The following ZSCAN5C variants were observed in gnomAD, a reference collection of about 807,000 sequenced individuals.
ZSCAN5C encodes zinc finger and SCAN domain-containing protein 5C.
A neutral mutation model predicts 17.3 loss-of-function variants in ZSCAN5C; 11 were observed. The observed-to-expected ratio is 0.64, with a 90% CI of 0.40 to 1.06. ZSCAN5C has a LOEUF of 1.06. Among genes scored for constraint, ZSCAN5C ranks in the 50% least tolerant of loss-of-function variants. The pLI, the probability that ZSCAN5C is intolerant of heterozygous loss-of-function variation, is 0.00. For synonymous variants in ZSCAN5C, 229 were observed against 208.4 expected (o/e 1.10, Z -0.85); for missense variants, 698 against 538.9 (o/e 1.30, Z -2.92).
At position 56,204,902 on chromosome 19, in the gene ZSCAN5C, T is replaced by C. The variant is rs549659898; in HGVS notation, c.-127-885T>C. Among the ~76,000 whole-genome samples, 567 of 151,284 alleles carry C rather than the reference T, an allele frequency of 3.7e-3. 3 individuals carry two copies. The highest frequency in any genetic ancestry group is 6.7e-3 in the Admixed American group (102 of 15,216). On this transcript the variant is annotated intron_variant, in intron 1 of 4. Transcript: ENST00000534327. ...CCTGGAGAGTATTACTCAGTGGCTC[T>C]TGCCTAATGAAGCTAGGTTTAGGAA...
At chr19:56,205,943 T>A (rs780116664) in exon 2 of ZSCAN5C, 5 of 1,307,668 alleles carry the variant, frequency 3.8e-6, no homozygotes, top group African/African-American at 1.5e-5. Context: ...CCTCATGGAG[T>A]CTAGGAGAAT....
exon 5 of ZSCAN5C, chr19:56,208,948 G>T (rs756658596): frequency 2.5e-6 from 4 of 1,613,472 alleles, no homozygotes; most frequent in Non-Finnish European, 2.5e-6. Flanking sequence ...GGCCCTACAC[G>T]TGTGACATCT....
In ZSCAN5C at chr19:56,207,025, A is replaced by T. The variant is rs1014599995; in HGVS notation, c.385-34A>T. 4.3e-6 allele frequency: 3 copies of T among 695,370 alleles called. No homozygotes were observed. In the East Asian group the frequency reaches 8.1e-5, roughly 19 times the overall value. The allele number at this position is 695,370 out of a possible 1,614,324, so 43.1% of individuals were successfully genotyped here. On this transcript the variant is annotated intron_variant, in intron 2 of 4. Coordinates refer to ENST00000534327, the Ensembl canonical transcript of ZSCAN5C. Reference sequence around the variant, plus strand: ...ATATGAGAGCTACTTTCAGGTTCTCATAGTTAGTCTGATTGCTTTTTTTCT... The same window carrying T: ...ATATGAGAGCTACTTTCAGGTTCTCTTAGTTAGTCTGATTGCTTTTTTTCT...
chr19:56,204,638 C>T (rs1400801820), intron 1 of ZSCAN5C, among the ~76,000 whole-genome samples: 1 of 151,834 alleles, frequency 6.6e-6, no homozygotes, highest in African/African-American at 2.4e-5. Flanking sequence ...ATTGTCTCCT[C>T]CTCTGGGTTG....
exon 5 of ZSCAN5C, chr19:56,209,124 A>C: frequency 6.5e-7 from 1 of 1,545,494 alleles, no homozygotes; most frequent in Admixed American, 1.7e-5. Flanking sequence ...AAATGTTCCA[A>C]GTGTCCAAGA....
chr19:56,202,837 G>C (rs1437260408), intron 1 of ZSCAN5C, among the ~76,000 whole-genome samples: 1 of 151,962 alleles, frequency 6.6e-6, no homozygotes, highest in African/African-American at 2.4e-5. Context: ...TTACAGGTGT[G>C]AGCCACCTTG....
chr19:56,204,125 A>G (rs1236255534), intron 1 of ZSCAN5C, among the ~76,000 whole-genome samples: 1 of 151,764 alleles, frequency 6.6e-6, no homozygotes, highest in Non-Finnish European at 1.5e-5. Context: ...CCAGGATGTG[A>G]GGATAGCAAC....
exon 4 of ZSCAN5C, chr19:56,208,183 C>A: frequency 1.3e-6 from 1 of 778,618 alleles, no homozygotes. Context: ...CAAACAGTCC[C>A]AGTAAGTATG....
chr19:56,205,816 G>C, exon 2 of ZSCAN5C: 2 of 612,988 alleles, frequency 3.3e-6, no homozygotes, highest in Non-Finnish European at 2.9e-6. Context: ...ATCTATTACT[G>C]AGAAAAACCA....
chr19:56,206,790 A>T (rs1021253651), intron 2 of ZSCAN5C, among the ~76,000 whole-genome samples: 3 of 111,912 alleles, frequency 2.7e-5, no homozygotes, highest in Non-Finnish European at 6.5e-5. Context: ...AGGTCCGCAC[A>T]TGAGCCCGCC....
chr19:56,209,145 G>T (rs539972402), exon 5 of ZSCAN5C: 8 of 1,424,618 alleles, frequency 5.6e-6, no homozygotes, highest in Admixed American at 1.9e-5. Flanking sequence ...GCCTTCGGTC[G>T]GCCGGCGACC....
chr19:56,207,150 G>C (rs755705497), exon 3 of ZSCAN5C: 2 of 778,352 alleles, frequency 2.6e-6, no homozygotes, highest in Admixed American at 3.4e-5. Context: ...GATGATCCGA[G>C]ACACGTGTCC....
exon 2 of ZSCAN5C, chr19:56,205,895 G>C: frequency 1.0e-6 from 1 of 1,004,820 alleles, no homozygotes; most frequent in Non-Finnish European, 1.6e-6. Flanking sequence ...GAGACAGATT[G>C]AAATATTCCC....
chr19:56,206,593 G>A (rs952488125), intron 2 of ZSCAN5C, among the ~76,000 whole-genome samples: 1 of 151,834 alleles, frequency 6.6e-6, no homozygotes, highest in African/African-American at 2.4e-5. Flanking sequence ...TGTAGGAGAT[G>A]GACAGGCAGA....
exon 5 of ZSCAN5C, chr19:56,209,185 A>T: frequency 1.1e-6 from 1 of 879,366 alleles, no homozygotes; most frequent in South Asian, 1.4e-5. Context: ...CACATCGAGA[A>T]GCCACTTCAC....
chr19:56,205,915 TG>T lies in ZSCAN5C; in HGVS notation c.4del (p.Ala2?). 8.7e-7 allele frequency: 1 copy of T among 1,151,652 alleles called. No homozygotes were observed. Among genetic ancestry groups the T allele is most frequent in the Non-Finnish European group, 1.3e-6 (1 of 763,058 alleles). The allele number at this position is 1,151,652 out of a possible 1,614,324, so 71.3% of individuals were successfully genotyped here. A position where few individuals can be genotyped will look rare whatever the true frequency, so the allele number is the denominator to read the frequency against. On this transcript the variant is annotated frameshift_variant and start_lost, in exon 2 of 5. Coordinates refer to ENST00000534327, the Ensembl canonical transcript of ZSCAN5C. LOFTEE classifies it high-confidence loss of function. ...AGATTGAAATATTCCCCAGTAGACA[TG>T]GCTGCAAATTGCACATCCTCATGGA...
chr19:56,207,775 G>T (rs895333382), intron 3 of ZSCAN5C, among the ~76,000 whole-genome samples: 4 of 151,702 alleles, frequency 2.6e-5, no homozygotes, highest in African/African-American at 9.7e-5. Context: ...GCACAGGAGC[G>T]CCCCCTCCAG....
chr19:56,205,252 CCAAAATAA>C lies in ZSCAN5C; in HGVS notation c.-127-527_-127-520del, dbSNP rs1463666259. Among the ~76,000 whole-genome samples the C allele has an allele frequency of 1.3e-5, 2 of 151,878 alleles. 1 individual carries two copies. Among genetic ancestry groups the C allele is most frequent in the African/African-American group, 4.9e-5 (2 of 41,180 alleles). ...GATGAAATTATGAATGTGCATTTCA[CCAAAATAA>C]CAAAATATCTGTGTAGGAGCTTAAT... On this transcript the variant is annotated intron_variant, in intron 1 of 4. Transcript: ENST00000534327.
chr19:56,206,650 G>C (rs868235115), intron 2 of ZSCAN5C, among the ~76,000 whole-genome samples: 4 of 151,502 alleles, frequency 2.6e-5, no homozygotes, highest in Non-Finnish European at 1.5e-5. Flanking sequence ...ATGAAAGAAA[G>C]ACATTGGTGA....
Sources: allele counts gnomAD v4.1 joint callset (sites outside exome capture counted in the v4.1 genomes callset), GRCh38; gene constraint gnomAD v4.1.1; transcripts MANE v1.5; gene names NCBI Gene and HGNC (gene_info 2026-07-23, HGNC 2026-07-21).